NDST4: variants seen among roughly 807,000 people sequenced by gnomAD.
NDST4 encodes N-deacetylase and N-sulfotransferase 4, also known as N-heparan sulfate sulfotransferase 4.
NDST4 carries 63 observed loss-of-function variants against 100.8 expected under a neutral mutation model. The ratio of observed to expected loss-of-function variants is 0.62; its 90% CI spans 0.51 to 0.77. The LOEUF is 0.77. NDST4 is among the 30% of genes least tolerant of loss of function. The probability of loss-of-function intolerance (pLI) is 0.00; values close to 1 mark genes in which losing one functional copy is unlikely to be tolerated. For synonymous variants in NDST4, 377 were observed against 361.8 expected, an observed-to-expected ratio of 1.04 and a Z score of -0.48; for missense variants, 943 against 1,018.4, an observed-to-expected ratio of 0.93 and a Z score of 1.01.
Position 115,113,515 on chromosome 4 carries a change from G to A in NDST4, c.-318C>T, listed in dbSNP as rs552757473. On this transcript the variant is annotated 5_prime_UTR_variant, in exon 1 of 14. Coordinates refer to ENST00000264363, the MANE Select transcript of NDST4 (RefSeq NM_022569.3). Reference sequence around the variant, plus strand: ...CCCGTGTTAGAACATGAGATATCCAGTATTCAGGTTCACTTGGCTCCAGGT... The same window carrying A: ...CCCGTGTTAGAACATGAGATATCCAATATTCAGGTTCACTTGGCTCCAGGT... The A allele has an allele frequency of 6.6e-6, 1 of 151,912 alleles. No homozygotes were observed. The highest frequency in any genetic ancestry group is 1.5e-5 in the Non-Finnish European group (1 of 67,954). 9.4% of individuals were successfully genotyped at this position (151,912 alleles called of 1,614,324 possible). A position where few individuals can be genotyped will look rare whatever the true frequency, so the allele number is the denominator to read the frequency against.
intron 2 of NDST4, among the ~76,000 whole-genome samples, chr4:115,013,953 A>C (rs1727617602): frequency 6.6e-6 from 1 of 152,000 alleles, no homozygotes; most frequent in African/African-American, 2.4e-5. Flanking sequence ...ATTTGAATAG[A>C]CTATTTGGCC....
chr4:115,100,087 T>C (rs942132795), intron 1 of NDST4, among the ~76,000 whole-genome samples: 3 of 152,080 alleles, frequency 2.0e-5, no homozygotes, highest in Non-Finnish European at 4.4e-5. Context: ...TATAATTCCA[T>C]TTATATGAAA....
intron 10 of NDST4, 131 bp from the exon 11 acceptor site, chr4:114,839,679 C>A: frequency 1.2e-4 from 68 of 588,670 alleles, no homozygotes; most frequent in East Asian, 6.3e-4. Context: ...CTTTATGTCA[C>A]AAAATAATAA....
intron 1 of NDST4, among the ~76,000 whole-genome samples, chr4:115,094,750 A>T (rs1403240856): frequency 6.6e-6 from 1 of 152,070 alleles, no homozygotes; most frequent in Non-Finnish European, 1.5e-5. Flanking sequence ...TAGAAGGGAG[A>T]AATGTGACAG....
intron 1 of NDST4, among the ~76,000 whole-genome samples, chr4:115,107,383 C>G (rs1328552993): frequency 6.6e-6 from 1 of 152,004 alleles, no homozygotes; most frequent in Non-Finnish European, 1.5e-5. Flanking sequence ...TAAATTCTCC[C>G]AAACAACTTC....
At chr4:114,926,406 C>G (rs185691359) in intron 6 of NDST4, among the ~76,000 whole-genome samples, 40 of 152,168 alleles carry the variant, frequency 2.6e-4, no homozygotes, top group African/African-American at 9.4e-4. Flanking sequence ...ATAATAGCAA[C>G]AGGAGTTCAT....
intron 2 of NDST4, among the ~76,000 whole-genome samples, chr4:115,000,617 C>T (rs1727269614): frequency 6.6e-6 from 1 of 152,036 alleles, no homozygotes; most frequent in South Asian, 2.1e-4. Context: ...AAGTAGTAGT[C>T]CATAATCCTT....
intron 6 of NDST4, among the ~76,000 whole-genome samples, chr4:114,889,680 G>A (rs969146596): frequency 3.3e-5 from 5 of 152,074 alleles, no homozygotes; most frequent in Non-Finnish European, 5.9e-5. Flanking sequence ...AAACATTATG[G>A]GCTGTCTTCA....
At chr4:114,993,612 A>G (rs1727097524) in intron 2 of NDST4, among the ~76,000 whole-genome samples, 1 of 151,816 alleles carries the variant, frequency 6.6e-6, no homozygotes, top group African/African-American at 2.4e-5. Context: ...TAAAATACTT[A>G]AAAATATCTT....
intron 6 of NDST4, among the ~76,000 whole-genome samples, chr4:114,898,031 A>G (rs768909795): frequency 1.7e-4 from 26 of 152,096 alleles, no homozygotes; most frequent in Admixed American, 6.5e-4. Context: ...TTGATGCTGT[A>G]TTTCGCATAG....
intron 2 of NDST4, among the ~76,000 whole-genome samples, chr4:115,028,384 A>C (rs1427270973): frequency 6.6e-6 from 1 of 152,148 alleles, no homozygotes; most frequent in African/African-American, 2.4e-5. Flanking sequence ...GAATGCCCGG[A>C]AAGAAATATG....
chr4:114,889,731 G>C (rs908373430), intron 6 of NDST4, among the ~76,000 whole-genome samples: 2 of 152,108 alleles, frequency 1.3e-5, no homozygotes, highest in African/African-American at 4.8e-5. Context: ...GCCTTGACTG[G>C]GGGGAGAAAA....
At chr4:114,929,105 CATCCATCCATCTATCT>C (rs1220005038) in intron 6 of NDST4, among the ~76,000 whole-genome samples, 4,085 of 118,642 alleles carry the variant, frequency 0.034, 82 homozygotes, top group Admixed American at 0.049. Flanking sequence ...TCCATCCATC[CATCCATCCATCTATCT>C]ATCTATCTAT....
intron 6 of NDST4, 30 bp from the exon 7 acceptor site, chr4:114,870,980 A>C: frequency 6.4e-7 from 1 of 1,566,386 alleles, no homozygotes; most frequent in Middle Eastern, 1.7e-4. Context: ...GACCACAAAA[A>C]TATCATATGC....
chr4:114,935,125 T>C (rs1463909080), intron 6 of NDST4, 81 bp downstream of exon 6: 1 of 1,087,506 alleles, frequency 9.2e-7, no homozygotes, highest in African/African-American at 1.6e-5. Flanking sequence ...AAAATAAATA[T>C]GATTTAGTTT....
chr4:114,870,752 G>T lies in NDST4; in HGVS notation c.1719+16C>A. ...GTTTCTTTCCTTCCACCCCAAGAGA[G>T]AATGTTAAATGTTACCTGCCATAGA... On this transcript the variant is annotated intron_variant, in intron 7 of 13. Transcript: ENST00000264363. The T allele has an allele frequency of 1.3e-6, 2 of 1,584,354 alleles. No individual in the cohort carries two copies. The highest frequency in any genetic ancestry group is 1.7e-6 in the Non-Finnish European group (2 of 1,166,278).
chr4:114,845,835 G>A lies in NDST4; in HGVS notation c.2103C>T (p.Tyr701=), dbSNP rs35449662. The change falls in exon 10 of 14, where the codon TAC becomes TAT. Residue 701 remains tyrosine, a synonymous_variant. Transcript: ENST00000264363. ...TILIDPSDRA[Y]SWYQHQRSHE... ...TTACTGACCATACCTGGTACCAAGA[G>A]TATGCCCTGTCTGAGGGGTCAATGA... is the stretch of plus-strand genomic sequence containing the variant. The A allele has an allele frequency of 0.015, 24,913 of 1,613,566 alleles. 1,232 individuals carry two copies. The African/African-American group carries it at 0.17, about 11-fold the overall frequency.
At chr4:114,898,324 A>G (rs1038089686) in intron 6 of NDST4, among the ~76,000 whole-genome samples, 2 of 152,054 alleles carry the variant, frequency 1.3e-5, no homozygotes, top group Non-Finnish European at 1.5e-5. Flanking sequence ...ATTTTTTTCA[A>G]TGTTTTGCCT....
At chr4:114,850,101 T>C (rs1053830594) in intron 8 of NDST4, among the ~76,000 whole-genome samples, 1 of 152,310 alleles carries the variant, frequency 6.6e-6, no homozygotes, top group Non-Finnish European at 1.5e-5. Context: ...GAGAGAAAGA[T>C]AGATTTGAGA....
Sources: gnomAD v4.1 joint callset for allele counts (sites outside exome capture counted in the v4.1 genomes callset) on GRCh38, gnomAD v4.1.1 for gene constraint, MANE v1.5 for transcripts, NCBI Gene and HGNC (gene_info 2026-07-23, HGNC 2026-07-21) for gene names.